GBE1: variants seen among roughly 807,000 people sequenced by gnomAD.
GBE1 encodes 1,4-alpha-glucan branching enzyme 1, also known as 1,4-alpha-glucan-branching enzyme.
A neutral mutation model predicts 88.8 loss-of-function variants in GBE1; 70 were observed. The ratio of observed to expected loss-of-function variants is 0.79; its 90% CI spans 0.65 to 0.96. The LOEUF is 0.96. Among genes scored for constraint, GBE1 ranks in the 40% least tolerant of loss-of-function variants. The pLI is 0.00. For missense variants in GBE1, 872 were observed against 871.0 expected (o/e 1.00, Z -0.01); for synonymous variants, 284 against 300.1 (o/e 0.95, Z 0.56).
chr3:81,636,985 C>A (rs1365225139), intron 7 of GBE1, among the ~76,000 whole-genome samples: 1 of 152,050 alleles, frequency 6.6e-6, no homozygotes, highest in East Asian at 1.9e-4. Context: ...AGATACAGTC[C>A]AAGACTGCCA....
At chr3:81,654,482 A>T (rs1704901755) in intron 3 of GBE1, 1 of 152,210 alleles carries the variant, frequency 6.6e-6, no homozygotes, top group South Asian at 2.1e-4. Flanking sequence ...GCTGGTTAGA[A>T]GTAACTGTTA....
chr3:81,686,663 G>A (rs1472670597), intron 2 of GBE1, among the ~76,000 whole-genome samples: 2 of 152,108 alleles, frequency 1.3e-5, no homozygotes, highest in African/African-American at 4.8e-5. Context: ...GCTGAGGCAG[G>A]AGAATCGCTT....
chr3:81,572,353 T>C (rs1703587230), intron 12 of GBE1, among the ~76,000 whole-genome samples: 1 of 152,222 alleles, frequency 6.6e-6, no homozygotes, highest in East Asian at 1.9e-4. Context: ...CTGTCCAGTA[T>C]AACTTTCTCC....
chr3:81,638,873 A>G (rs1011169439), intron 7 of GBE1, among the ~76,000 whole-genome samples: 4 of 152,218 alleles, frequency 2.6e-5, no homozygotes, highest in Non-Finnish European at 4.4e-5. Context: ...CATCAGCAAC[A>G]TATCTCTACA....
At chr3:81,641,157 CAGA>C (rs1487534183) in intron 7 of GBE1, among the ~76,000 whole-genome samples, 1 of 152,040 alleles carries the variant, frequency 6.6e-6, no homozygotes, top group Non-Finnish European at 1.5e-5. Flanking sequence ...TATAATTCTA[CAGA>C]AGAATTGTTT....
At chr3:81,512,571 T>C (rs999888981) in intron 14 of GBE1, among the ~76,000 whole-genome samples, 4 of 151,854 alleles carry the variant, frequency 2.6e-5, no homozygotes, top group African/African-American at 9.7e-5. Context: ...TGTACTTCAA[T>C]GGCATTTCTA....
intron 1 of GBE1, among the ~76,000 whole-genome samples, chr3:81,736,294 C>T (rs754242966): frequency 6.6e-5 from 10 of 152,284 alleles, no homozygotes; most frequent in Non-Finnish European, 1.3e-4. Context: ...CAGCTAGAAA[C>T]GTTAAGGGAT....
chr3:81,656,139 T>C (rs1379714334), intron 3 of GBE1, among the ~76,000 whole-genome samples: 1 of 152,124 alleles, frequency 6.6e-6, no homozygotes, highest in Non-Finnish European at 1.5e-5. Context: ...GAAAATGGCC[T>C]CCCAAAAGAT....
intron 1 of GBE1, among the ~76,000 whole-genome samples, chr3:81,757,565 TAAAA>T (rs1706620006): frequency 6.6e-6 from 1 of 152,138 alleles, no homozygotes; most frequent in Non-Finnish European, 1.5e-5. Context: ...GCTACATACT[TAAAA>T]GTTAGGGGCT....
intron 14 of GBE1, among the ~76,000 whole-genome samples, chr3:81,529,425 C>CT (rs1447315449): frequency 6.6e-6 from 1 of 151,910 alleles, no homozygotes; most frequent in Non-Finnish European, 1.5e-5. Flanking sequence ...AAGGTTATTT[C>CT]TTATTGCTTA....
intron 14 of GBE1, among the ~76,000 whole-genome samples, chr3:81,521,683 A>G (rs974771211): frequency 6.6e-6 from 1 of 151,580 alleles, no homozygotes; most frequent in African/African-American, 2.4e-5. Flanking sequence ...ATCCTAACAG[A>G]TTAATAACAG....
chr3:81,520,216 A>C (rs934777068), intron 14 of GBE1, among the ~76,000 whole-genome samples: 1 of 151,458 alleles, frequency 6.6e-6, no homozygotes, highest in South Asian at 2.1e-4. Context: ...GTTTTTTTCA[A>C]ATTGAAAGTT....
chr3:81,680,699 T>C (rs1032568440), intron 2 of GBE1, among the ~76,000 whole-genome samples: 34 of 152,062 alleles, frequency 2.2e-4, no homozygotes, highest in Non-Finnish European at 7.4e-5. Context: ...TAACCCCAAA[T>C]GTGGTAATAT....
At chr3:81,728,587 T>C (rs1000950925) in intron 1 of GBE1, among the ~76,000 whole-genome samples, 1 of 151,972 alleles carries the variant, frequency 6.6e-6, no homozygotes, top group Non-Finnish European at 1.5e-5. Context: ...TAGCCATATA[T>C]TGCAATGGAT....
chr3:81,541,238 C>T (rs1038166028), intron 12 of GBE1, among the ~76,000 whole-genome samples: 3 of 151,734 alleles, frequency 2.0e-5, no homozygotes, highest in African/African-American at 7.3e-5. Context: ...TAACTCATCG[C>T]ACAATCTGAT....
intron 7 of GBE1, among the ~76,000 whole-genome samples, chr3:81,614,229 A>T (rs143532986): frequency 5.1e-4 from 77 of 152,278 alleles, no homozygotes; most frequent in Middle Eastern, 6.8e-3. Flanking sequence ...TAGGTCAACA[A>T]TTTTTAAAAT....
intron 3 of GBE1, among the ~76,000 whole-genome samples, chr3:81,662,328 G>A (rs1212355921): frequency 3.9e-5 from 6 of 151,946 alleles, no homozygotes; most frequent in East Asian, 3.8e-4. Context: ...CACCGTACCC[G>A]GCCCTTCCTG....
At chr3:81,684,225 TGTGTG>T (rs1705397925) in intron 2 of GBE1, among the ~76,000 whole-genome samples, 1 of 152,164 alleles carries the variant, frequency 6.6e-6, no homozygotes, top group South Asian at 2.1e-4. Flanking sequence ...CTTCTGTCTG[TGTGTG>T]CTCTTACCCT....
intron 12 of GBE1, among the ~76,000 whole-genome samples, chr3:81,548,425 G>T (rs1001564258): frequency 5.3e-5 from 8 of 151,346 alleles, no homozygotes; most frequent in African/African-American, 1.9e-4. Flanking sequence ...GTGAAATAGT[G>T]TTTGGCTTTC....
Sources: allele counts gnomAD v4.1 joint callset (sites outside exome capture counted in the v4.1 genomes callset), GRCh38; gene constraint gnomAD v4.1.1; transcripts MANE v1.5; gene names NCBI Gene and HGNC (gene_info 2026-07-23, HGNC 2026-07-21).